The following THSD7B variants were observed in gnomAD, a reference collection of about 807,000 sequenced individuals.
THSD7B encodes thrombospondin type 1 domain containing 7B, also known as thrombospondin type-1 domain-containing protein 7B.
Under a neutral mutation model 213.6 loss-of-function variants are expected in THSD7B, and 138 were observed. The ratio of observed to expected loss-of-function variants is 0.65; its 90% CI spans 0.56 to 0.74. The LOEUF (loss-of-function observed/expected upper bound fraction) is 0.74, where lower values mean the gene tolerates loss of function less well. Ranked by LOEUF, THSD7B falls within the 30% of genes least tolerant of loss-of-function variation. The probability of loss-of-function intolerance (pLI) is 0.00; values close to 1 mark genes in which losing one functional copy is unlikely to be tolerated. For synonymous variants in THSD7B, 742 were observed against 687.0 expected (o/e 1.08, Z -1.25); for missense variants, 1,931 against 1,991.5 (o/e 0.97, Z 0.58).
At chr2:136,866,517 G>A (rs938502479) in intron 1 of THSD7B, among the ~76,000 whole-genome samples, 2 of 152,144 alleles carry the variant, frequency 1.3e-5, no homozygotes, top group Non-Finnish European at 2.9e-5. Flanking sequence ...CTGAAAAAAG[G>A]TGGAGGGGTG....
intron 26 of THSD7B, among the ~76,000 whole-genome samples, chr2:137,666,288 T>C (rs1418880503): frequency 6.6e-6 from 1 of 152,040 alleles, no homozygotes; most frequent in African/African-American, 2.4e-5. Flanking sequence ...GACTTTTTTT[T>C]TGATCAATGT....
chr2:137,597,046 G>C (rs555141055), intron 17 of THSD7B, among the ~76,000 whole-genome samples: 44 of 152,206 alleles, frequency 2.9e-4, no homozygotes, highest in Non-Finnish European at 5.6e-4. Flanking sequence ...TTTGAAACTA[G>C]CATTATTAGT....
intron 17 of THSD7B, among the ~76,000 whole-genome samples, chr2:137,605,771 C>T (rs571955597): frequency 6.9e-6 from 1 of 145,740 alleles, no homozygotes; most frequent in African/African-American, 2.5e-5. Context: ...CTGGTTCAAG[C>T]GTTTCTCCTG....
chr2:137,094,594 A>G (rs1295898943), intron 3 of THSD7B, among the ~76,000 whole-genome samples: 2 of 151,810 alleles, frequency 1.3e-5, no homozygotes, highest in African/African-American at 4.8e-5. Context: ...AAGGACCCCC[A>G]TTATTTCTAA....
chr2:137,108,591 G>A (rs992734089), intron 4 of THSD7B, among the ~76,000 whole-genome samples: 3 of 152,260 alleles, frequency 2.0e-5, no homozygotes, highest in African/African-American at 7.2e-5. Flanking sequence ...CTAATCCAAA[G>A]TTTGTGTCCT....
At chr2:137,396,697 G>C (rs1574004412) in intron 12 of THSD7B, among the ~76,000 whole-genome samples, 1 of 141,248 alleles carries the variant, frequency 7.1e-6, no homozygotes. Flanking sequence ...GTGCAGAGCT[G>C]AGTTCAATTC....
At chr2:137,175,117 G>A (rs1375284936) in intron 7 of THSD7B, among the ~76,000 whole-genome samples, 1 of 152,196 alleles carries the variant, frequency 6.6e-6, no homozygotes, top group East Asian at 1.9e-4. Flanking sequence ...TGGCTGGCAA[G>A]TGACTACTAT....
intron 5 of THSD7B, among the ~76,000 whole-genome samples, chr2:137,117,894 G>GATATGGTCC (rs748468784): frequency 1.6e-4 from 25 of 152,264 alleles, no homozygotes; most frequent in Non-Finnish European, 1.5e-5. Context: ...TCCTGACATT[G>GATATGGTCC]ATATGGTCCT....
chr2:137,544,682 CTTTTA>C (rs927073903), intron 15 of THSD7B, among the ~76,000 whole-genome samples: 21 of 151,692 alleles, frequency 1.4e-4, no homozygotes, highest in African/African-American at 5.1e-4. Flanking sequence ...TTCATACTCT[CTTTTA>C]TTTTTATTTT....
At chr2:137,601,526 G>A (rs1022460648) in intron 17 of THSD7B, among the ~76,000 whole-genome samples, 3 of 152,076 alleles carry the variant, frequency 2.0e-5, no homozygotes, top group Admixed American at 6.6e-5. Context: ...GTGTGTACCA[G>A]GCTATCCCAT....
chr2:137,274,002 T>A (rs12623085), intron 11 of THSD7B, among the ~76,000 whole-genome samples: 4,107 of 152,204 alleles, frequency 0.027, 109 homozygotes, highest in Middle Eastern at 0.099. Flanking sequence ...TTGTCCACTC[T>A]TTTTACTCTC....
rs78447271 is a variant in THSD7B, at chr2:137,347,498, C to T, written c.2501-58115C>T. ...GAGTGATGGTACCAAGCACTGGGAA[C>T]GGAGACAACTCCTTTTCACTAGGCT... On this transcript the variant is annotated intron_variant, in intron 12 of 27. Coordinates refer to ENST00000409968, the MANE Select transcript of THSD7B (RefSeq NM_001316349.2). 9.9e-3 allele frequency among the ~76,000 whole-genome samples: 1,482 copies of T among 150,054 alleles called. 28 individuals carry two copies. The highest frequency in any genetic ancestry group is 0.035 in the African/African-American group (1,422 of 40,946).
At chr2:136,786,249 A>T (rs965408094) in intron 1 of THSD7B, among the ~76,000 whole-genome samples, 6 of 152,198 alleles carry the variant, frequency 3.9e-5, no homozygotes, top group African/African-American at 1.4e-4. Flanking sequence ...CTGTCGGTAT[A>T]CATATATGTA....
intron 16 of THSD7B, among the ~76,000 whole-genome samples, chr2:137,572,009 G>T (rs1015921476): frequency 6.6e-6 from 1 of 151,366 alleles, no homozygotes; most frequent in African/African-American, 2.5e-5. Flanking sequence ...GAAGGTTCTA[G>T]CTATCACAAA....
At chr2:137,668,184 C>G (rs1311186658) in intron 27 of THSD7B, among the ~76,000 whole-genome samples, 2 of 152,150 alleles carry the variant, frequency 1.3e-5, no homozygotes, top group African/African-American at 4.8e-5. Flanking sequence ...TCTCACTCCC[C>G]AGAGGTTCTG....
chr2:137,399,832 T>C (rs888881071), intron 12 of THSD7B, among the ~76,000 whole-genome samples: 1 of 152,168 alleles, frequency 6.6e-6, no homozygotes, highest in Non-Finnish European at 1.5e-5. Flanking sequence ...ATACTGATAA[T>C]TCTTAAGTTC....
At chr2:136,973,293 A>G (rs1346793438) in intron 2 of THSD7B, among the ~76,000 whole-genome samples, 1 of 152,164 alleles carries the variant, frequency 6.6e-6, no homozygotes, top group Non-Finnish European at 1.5e-5. Flanking sequence ...TTTCAAGTGT[A>G]TAATTAATAT....
chr2:137,531,612 G>A (rs1680398720), intron 15 of THSD7B, among the ~76,000 whole-genome samples: 1 of 151,836 alleles, frequency 6.6e-6, no homozygotes. Flanking sequence ...AATTAACCAA[G>A]GGCTCCCTTA....
intron 17 of THSD7B, among the ~76,000 whole-genome samples, chr2:137,609,611 G>A (rs529162404): frequency 1.3e-5 from 2 of 152,312 alleles, no homozygotes; most frequent in East Asian, 3.9e-4. Flanking sequence ...CAGGCTATGA[G>A]CATTCAGATA....
Sources: allele counts gnomAD v4.1 joint callset (sites outside exome capture counted in the v4.1 genomes callset), GRCh38; gene constraint gnomAD v4.1.1; transcripts MANE v1.5; gene names NCBI Gene and HGNC (gene_info 2026-07-23, HGNC 2026-07-21).